Variants in SLC2A13 observed in about 807,000 individuals in gnomAD.
SLC2A13 encodes solute carrier family 2 member 13.
In SLC2A13, 32 loss-of-function variants were observed where a neutral mutation model predicts 64.4. The ratio of observed to expected loss-of-function variants is 0.50; its 90% CI spans 0.37 to 0.67. The LOEUF (loss-of-function observed/expected upper bound fraction) is 0.67, where lower values mean the gene tolerates loss of function less well. Among genes scored for constraint, SLC2A13 ranks in the 30% least tolerant of loss-of-function variants. The pLI is 0.00. For missense variants in SLC2A13, 743 were observed against 829.2 expected, an observed-to-expected ratio of 0.90 and a Z score of 1.28; for synonymous variants, 338 against 327.1, an observed-to-expected ratio of 1.03 and a Z score of -0.36.
intron 7 of SLC2A13, among the ~76,000 whole-genome samples, chr12:39,811,529 C>A (rs1592160317): frequency 1.3e-5 from 2 of 152,240 alleles, no homozygotes; most frequent in East Asian, 3.9e-4. Flanking sequence ...GACTTCAAAA[C>A]ATTTTCTAAT....
intron 7 of SLC2A13, among the ~76,000 whole-genome samples, chr12:39,814,171 C>T (rs566952449): frequency 1.2e-4 from 19 of 152,238 alleles, no homozygotes; most frequent in African/African-American, 2.2e-4. Context: ...TACTTCAAAA[C>T]GTTAATCAAC....
At chr12:39,907,638 C>A (rs1945322449) in intron 4 of SLC2A13, 2 of 152,150 alleles carry the variant, frequency 1.3e-5, no homozygotes, top group Admixed American at 1.3e-4. Flanking sequence ...CCATAGATTA[C>A]AATTCACCTA....
In SLC2A13 at chr12:39,765,300, G is replaced by A. The variant is rs185016231; in HGVS notation, c.1446-442C>T. Among the ~76,000 whole-genome samples the A allele has an allele frequency of 3.3e-5, 5 of 152,140 alleles. No homozygotes were observed. In the East Asian group the frequency reaches 9.7e-4, roughly 30 times the overall value. ...GGATTAGAAGAGTAACCTGTAAAGG[G>A]TGATGGGGTGGATGAGGGAAACAAA... On this transcript the variant is annotated intron_variant, in intron 7 of 9. Coordinates refer to ENST00000280871, the MANE Select transcript of SLC2A13 (RefSeq NM_052885.4).
intron 1 of SLC2A13, among the ~76,000 whole-genome samples, chr12:40,086,088 C>T (rs1938579897): frequency 6.6e-6 from 1 of 152,158 alleles, no homozygotes. Context: ...CCACCGGCCT[C>T]GGCCTCCCAA....
chr12:39,949,398 G>A (rs1565557095), intron 4 of SLC2A13: 1 of 152,162 alleles, frequency 6.6e-6, no homozygotes, highest in African/African-American at 2.4e-5. Flanking sequence ...CCTATATCAT[G>A]TGCAGTTTAT....
intron 7 of SLC2A13, chr12:39,788,570 G>A (rs1941271645): frequency 6.6e-6 from 1 of 152,088 alleles, no homozygotes; most frequent in Non-Finnish European, 1.5e-5. Context: ...AATATTTTTG[G>A]ACTATGTTTG....
intron 4 of SLC2A13, among the ~76,000 whole-genome samples, chr12:39,929,758 G>A (rs962535891): frequency 6.7e-6 from 1 of 150,306 alleles, no homozygotes; most frequent in Non-Finnish European, 1.5e-5. Context: ...AACTGTAAAG[G>A]AAGAGGCTTT....
intron 3 of SLC2A13, among the ~76,000 whole-genome samples, chr12:39,969,053 GT>G (rs1004405921): frequency 2.0e-5 from 3 of 151,836 alleles, no homozygotes; most frequent in South Asian, 2.1e-4. Context: ...GTGGTGTTTG[GT>G]TTTTTTGTCC....
intron 4 of SLC2A13, among the ~76,000 whole-genome samples, chr12:39,891,138 T>G (rs1259644522): frequency 6.7e-6 from 1 of 149,464 alleles, no homozygotes; most frequent in Non-Finnish European, 1.5e-5. Context: ...TTTTAACATT[T>G]AATTTTGAGG....
At chr12:39,787,539 T>C (rs149961418) in intron 7 of SLC2A13, among the ~76,000 whole-genome samples, 48 of 152,308 alleles carry the variant, frequency 3.2e-4, no homozygotes, top group Middle Eastern at 3.4e-3. Context: ...ATACTACTTT[T>C]CTTAATCTTT....
At chr12:40,057,023 G>C (rs1948343419) in intron 1 of SLC2A13, among the ~76,000 whole-genome samples, 1 of 151,894 alleles carries the variant, frequency 6.6e-6, no homozygotes, top group Non-Finnish European at 1.5e-5. Context: ...CAGAAACGAA[G>C]AGCCATGAGG....
chr12:40,001,295 T>C (rs538688990), intron 3 of SLC2A13, among the ~76,000 whole-genome samples: 23 of 152,332 alleles, frequency 1.5e-4, no homozygotes, highest in African/African-American at 5.5e-4. Context: ...ATTTGTAAAT[T>C]TTCTTTCAAA....
chr12:39,988,214 A>G (rs999024029), intron 3 of SLC2A13, among the ~76,000 whole-genome samples: 4 of 152,150 alleles, frequency 2.6e-5, no homozygotes, highest in African/African-American at 9.7e-5. Flanking sequence ...CTAAATTGCC[A>G]CTTTAAAATG....
At chr12:39,976,763 T>C (rs1473086524) in intron 3 of SLC2A13, among the ~76,000 whole-genome samples, 1 of 152,192 alleles carries the variant, frequency 6.6e-6, no homozygotes, top group African/African-American at 2.4e-5. Context: ...CTGACTTTAT[T>C]AAATATTTTA....
At chr12:39,815,824 C>T (rs994732328) in intron 7 of SLC2A13, among the ~76,000 whole-genome samples, 1 of 152,076 alleles carries the variant, frequency 6.6e-6, no homozygotes, top group Non-Finnish European at 1.5e-5. Flanking sequence ...AGTTATAGCA[C>T]AGTACAACAT....
chr12:40,019,083 C>T (rs1015617416), intron 3 of SLC2A13, among the ~76,000 whole-genome samples: 1 of 152,054 alleles, frequency 6.6e-6, no homozygotes, highest in African/African-American at 2.4e-5. Context: ...AGGGAAGATA[C>T]TAGAAACAAG....
At chr12:39,781,007 A>T (rs1162626618) in intron 7 of SLC2A13, among the ~76,000 whole-genome samples, 2 of 152,220 alleles carry the variant, frequency 1.3e-5, no homozygotes, top group African/African-American at 4.8e-5. Flanking sequence ...ATAAACTGTA[A>T]GGCAGTTTCA....
intron 1 of SLC2A13, among the ~76,000 whole-genome samples, chr12:40,050,397 C>T (rs1233365525): frequency 6.6e-6 from 1 of 151,978 alleles, no homozygotes; most frequent in African/African-American, 2.4e-5. Context: ...GTCCTCAGAC[C>T]CTGATAAAGT....
chr12:40,018,006 AAAG>A (rs940587545), intron 3 of SLC2A13, among the ~76,000 whole-genome samples: 5 of 151,848 alleles, frequency 3.3e-5, no homozygotes, highest in African/African-American at 1.2e-4. Context: ...AAGAAAGAAA[AAAG>A]AAAGGAAAGA....
Sources: gnomAD v4.1 joint callset for allele counts (sites outside exome capture counted in the v4.1 genomes callset) on GRCh38, gnomAD v4.1.1 for gene constraint, MANE v1.5 for transcripts, NCBI Gene and HGNC (gene_info 2026-07-23, HGNC 2026-07-21) for gene names.